The following HSD17B4 variants were observed in gnomAD, a reference collection of about 807,000 sequenced individuals.
HSD17B4 encodes hydroxysteroid 17-beta dehydrogenase 4.
Under a neutral mutation model 101.0 loss-of-function variants are expected in HSD17B4, and 70 were observed. The observed-to-expected ratio is 0.69, with a 90% CI of 0.57 to 0.85. HSD17B4 has a LOEUF of 0.85. Among genes scored for constraint, HSD17B4 ranks in the 40% least tolerant of loss-of-function variants. The probability of loss-of-function intolerance (pLI) is 0.00; values close to 1 mark genes in which losing one functional copy is unlikely to be tolerated. For synonymous variants in HSD17B4, 347 were observed against 297.1 expected, an observed-to-expected ratio of 1.17 and a Z score of -1.73; for missense variants, 984 against 892.4, an observed-to-expected ratio of 1.10 and a Z score of -1.31.
chr5:119,467,066 G>A (rs1755885740), intron 2 of HSD17B4, among the ~76,000 whole-genome samples: 1 of 152,054 alleles, frequency 6.6e-6, no homozygotes, highest in Admixed American at 6.6e-5. Context: ...TGTTTAGTTT[G>A]CATGTATTTG....
At chr5:119,485,145 A>T (rs1580581452) in intron 8 of HSD17B4, among the ~76,000 whole-genome samples, 1 of 152,296 alleles carries the variant, frequency 6.6e-6, no homozygotes, top group East Asian at 1.9e-4. Flanking sequence ...ACCAAGAGAC[A>T]AACCACTAGT....
At chr5:119,464,373 G>C (rs894713617) in intron 2 of HSD17B4, among the ~76,000 whole-genome samples, 4 of 152,122 alleles carry the variant, frequency 2.6e-5, no homozygotes, top group Non-Finnish European at 5.9e-5. Context: ...TATATGATGA[G>C]AGGTAGGGGT....
At chr5:119,458,974 C>G (rs565895838) in intron 2 of HSD17B4, among the ~76,000 whole-genome samples, 4 of 152,308 alleles carry the variant, frequency 2.6e-5, no homozygotes, top group Non-Finnish European at 5.9e-5. Flanking sequence ...GCAAAAAGAA[C>G]TCCTTAGTAA....
At chr5:119,482,951 A>G (rs73246569) in intron 8 of HSD17B4, among the ~76,000 whole-genome samples, 305 of 151,036 alleles carry the variant, frequency 2.0e-3, no homozygotes, top group African/African-American at 7.0e-3. Context: ...GGAAAGCTAG[A>G]GAAGTTCCAA....
intron 11 of HSD17B4, among the ~76,000 whole-genome samples, chr5:119,494,376 T>TCTTTCTTTCTTTCTTTCTTC (rs1554064703): frequency 1.1e-4 from 17 of 150,634 alleles, no homozygotes; most frequent in African/African-American, 4.2e-4. Flanking sequence ...TTTCTTTCTT[T>TCTTTCTTTCTTTCTTTCTTC]CTTTCTTTCT....
chr5:119,460,469 T>C (rs773522149), intron 2 of HSD17B4, among the ~76,000 whole-genome samples: 1 of 152,234 alleles, frequency 6.6e-6, no homozygotes. Flanking sequence ...ATCTGGATTA[T>C]GGGGGAAAAC....
At chr5:119,516,310 C>T (rs1162364189) in intron 17 of HSD17B4, among the ~76,000 whole-genome samples, 2 of 152,056 alleles carry the variant, frequency 1.3e-5, no homozygotes, top group East Asian at 1.9e-4. Flanking sequence ...AGAAAAGGCT[C>T]ATGGTTTCAT....
chr5:119,506,880 A>T lies in HSD17B4; in HGVS notation c.1324A>T (p.Ile442Phe). ...VLDKGSGVVI[I>F]MDVYSYSEKE... ...AGATAAAGGATCCGGTGTAGTGATTATTATGGATGGTAATTTATTTACAAT... is the reference window on the plus strand; with the variant it reads ...AGATAAAGGATCCGGTGTAGTGATTTTTATGGATGGTAATTTATTTACAAT... Residue 442 changes from isoleucine (I) to phenylalanine (F), a missense_variant, in exon 15 of 24, where the codon ATT (isoleucine) becomes TTT (phenylalanine). Transcript: ENST00000510025. The T allele has an allele frequency of 6.6e-7, 1 of 1,513,860 alleles. No homozygotes were observed. The highest frequency in any genetic ancestry group is 1.1e-5 in the South Asian group (1 of 88,580). 93.8% of individuals were successfully genotyped at this position (1,513,860 alleles called of 1,614,324 possible). A position where few individuals can be genotyped will look rare whatever the true frequency, so the allele number is the denominator to read the frequency against.
chr5:119,504,529 A>AT, intron 14 of HSD17B4, among the ~76,000 whole-genome samples: 1 of 152,074 alleles, frequency 6.6e-6, no homozygotes, highest in Non-Finnish European at 1.5e-5. Context: ...TTCTCTGATG[A>AT]TTAGTGTTAT....
chr5:119,523,096 G>A, intron 17 of HSD17B4, among the ~76,000 whole-genome samples: 1 of 151,982 alleles, frequency 6.6e-6, no homozygotes, highest in East Asian at 1.9e-4. Context: ...TTACACTGTA[G>A]GCTTGAGATT....
At chr5:119,478,651 T>C (rs1232334608) in intron 7 of HSD17B4, among the ~76,000 whole-genome samples, 183 bp from the exon 8 acceptor site, 1 of 152,206 alleles carries the variant, frequency 6.6e-6, no homozygotes, top group Non-Finnish European at 1.5e-5. Flanking sequence ...AATCTTGTAG[T>C]TGAATTTTGA....
chr5:119,530,349 A>ATT (rs1753958187), intron 21 of HSD17B4, among the ~76,000 whole-genome samples: 1 of 152,134 alleles, frequency 6.6e-6, no homozygotes, highest in Non-Finnish European at 1.5e-5. Flanking sequence ...AAAGTTTTGT[A>ATT]TGCAAATATA....
chr5:119,534,759 C>A (rs866701631), intron 22 of HSD17B4, among the ~76,000 whole-genome samples: 5 of 151,956 alleles, frequency 3.3e-5, no homozygotes, highest in Non-Finnish European at 7.4e-5. Flanking sequence ...GGAATGGGGG[C>A]CTGTTTGTTG....
At chr5:119,517,294 C>A (rs1752710134) in intron 17 of HSD17B4, among the ~76,000 whole-genome samples, 1 of 152,200 alleles carries the variant, frequency 6.6e-6, no homozygotes. Context: ...CAGTGCCAGC[C>A]CACCGGTGCT....
At chr5:119,525,802 G>T in intron 18 of HSD17B4, 115 bp from the exon 19 acceptor site, 6 of 669,106 alleles carry the variant, frequency 9.0e-6, no homozygotes, top group Non-Finnish European at 1.4e-5. Context: ...TAAAATAGAT[G>T]GTATAATTCC....
At chr5:119,525,818 A>G (rs1753540659) in intron 18 of HSD17B4, 99 bp from the exon 19 acceptor site, 1 of 768,814 alleles carries the variant, frequency 1.3e-6, no homozygotes, top group African/African-American at 1.7e-5. Context: ...ATTCCTGCTA[A>G]TGCAGTCTAA....
intron 23 of HSD17B4, among the ~76,000 whole-genome samples, chr5:119,536,900 C>T (rs1193349999): frequency 6.6e-6 from 1 of 151,976 alleles, no homozygotes; most frequent in Non-Finnish European, 1.5e-5. Context: ...GATATTTTAA[C>T]CTAATAGCCC....
chr5:119,522,712 G>T (rs1178151960), intron 17 of HSD17B4, among the ~76,000 whole-genome samples: 1 of 151,978 alleles, frequency 6.6e-6, no homozygotes, highest in African/African-American at 2.4e-5. Context: ...TATCTTTCAG[G>T]ATCATTAATT....
At chr5:119,480,830 T>C (rs1165623089) in intron 8 of HSD17B4, among the ~76,000 whole-genome samples, 2 of 152,166 alleles carry the variant, frequency 1.3e-5, no homozygotes, top group South Asian at 4.1e-4. Flanking sequence ...TACCCCTAGG[T>C]GCGCATTCTC....
Sources: allele counts gnomAD v4.1 joint callset (sites outside exome capture counted in the v4.1 genomes callset), GRCh38; gene constraint gnomAD v4.1.1; transcripts MANE v1.5; gene names NCBI Gene and HGNC (gene_info 2026-07-23, HGNC 2026-07-21).